SLC30A9: variants seen among roughly 807,000 people sequenced by gnomAD.
The protein encoded by SLC30A9 is solute carrier family 30 member 9, also known as proton-coupled zinc antiporter SLC30A9, mitochondrial.
SLC30A9 carries 58 observed loss-of-function variants against 87.5 expected under a neutral mutation model. The observed-to-expected ratio is 0.66, with a 90% CI of 0.54 to 0.82. The LOEUF is 0.82. Ranked by LOEUF, SLC30A9 falls within the 40% of genes least tolerant of loss-of-function variation. The pLI is 0.00. For missense variants in SLC30A9, 557 were observed against 679.1 expected (o/e 0.82, Z 2.00); for synonymous variants, 234 against 233.0 (o/e 1.00, Z -0.04).
Position 42,072,716 on chromosome 4 carries a change from CTGT to C in SLC30A9, c.1418+2032_1418+2034del, listed in dbSNP as rs553016960. The stretch of plus-strand genomic sequence containing the variant: ...GCACTTGAGAAGAATGTATATTCTG[CTGT>C]TGTTGTAGAGTGTTCTGTAGATGTT... On this transcript the variant is annotated intron_variant, in intron 15 of 17. Transcript: ENST00000264451. 1.0e-3 allele frequency among the ~76,000 whole-genome samples: 157 copies of C among 151,566 alleles called. 1 individual carries two copies. Among genetic ancestry groups the C allele is most frequent in the African/African-American group, 3.7e-3 (152 of 41,278 alleles).
intron 7 of SLC30A9, among the ~76,000 whole-genome samples, chr4:42,037,005 T>C (rs112665157): frequency 1.7e-3 from 265 of 152,324 alleles, no homozygotes; most frequent in African/African-American, 6.2e-3. Context: ...ACTTATGAAA[T>C]CTTTGTTACT....
chr4:42,043,508 G>A (rs2153137857), intron 8 of SLC30A9, among the ~76,000 whole-genome samples: 1 of 152,096 alleles, frequency 6.6e-6, no homozygotes, highest in African/African-American at 2.4e-5. Flanking sequence ...AAGCATAAAG[G>A]TAAGATTAGA....
chr4:42,012,195 G>C (rs1166189465), intron 2 of SLC30A9, among the ~76,000 whole-genome samples: 2 of 152,048 alleles, frequency 1.3e-5, no homozygotes, highest in African/African-American at 4.8e-5. Context: ...ACCAAAACAC[G>C]AAACAACCCA....
At chr4:42,042,025 G>A (rs535224937) in intron 8 of SLC30A9, among the ~76,000 whole-genome samples, 1 of 152,312 alleles carries the variant, frequency 6.6e-6, no homozygotes, top group South Asian at 2.1e-4. Context: ...GTGCATTCCA[G>A]CCCAGATACT....
At chr4:42,055,025 T>A (rs910320703) in intron 9 of SLC30A9, among the ~76,000 whole-genome samples, 1 of 152,082 alleles carries the variant, frequency 6.6e-6, no homozygotes, top group South Asian at 2.1e-4. Flanking sequence ...TTTGAGTTTT[T>A]AAAAATGTTC....
chr4:42,066,628 A>G lies in SLC30A9; in HGVS notation c.1144+7A>G. ...ATGTCATTTTACAAGTATGGTATGT[A>G]TTTTAGAAACCAAGTGTTTGTTTCA... On this transcript the variant is annotated splice_region_variant and intron_variant, in intron 13 of 17. Transcript: ENST00000264451. 1 of 1,595,708 alleles carries G rather than the reference A, an allele frequency of 6.3e-7. No homozygotes were observed.
intron 1 of SLC30A9, among the ~76,000 whole-genome samples, chr4:41,998,591 A>G (rs967104487): frequency 6.6e-5 from 10 of 151,476 alleles, no homozygotes; most frequent in Admixed American, 2.6e-4. Flanking sequence ...AGCCTCCCGC[A>G]TAGCTAGGAT....
At chr4:42,065,669 G>A (rs892695206) in intron 12 of SLC30A9, among the ~76,000 whole-genome samples, 1 of 152,166 alleles carries the variant, frequency 6.6e-6, no homozygotes, top group African/African-American at 2.4e-5. Context: ...AGTAACTGAT[G>A]TGGCATGAAA....
At chr4:42,046,334 C>A (rs1447231615) in intron 8 of SLC30A9, among the ~76,000 whole-genome samples, 1 of 152,180 alleles carries the variant, frequency 6.6e-6, no homozygotes, top group East Asian at 1.9e-4. Flanking sequence ...ATTTAGAAAA[C>A]CCCATAATCT....
chr4:42,038,836 C>A, intron 7 of SLC30A9, 150 bp from the exon 8 acceptor site: 1 of 571,428 alleles, frequency 1.7e-6, no homozygotes, highest in Non-Finnish European at 3.2e-6. Flanking sequence ...AATCTTTCCA[C>A]TTTCTAAACA....
rs1481293616 is a variant in SLC30A9 at position 42,026,804 on chromosome 4, T to C, written c.610+3420T>C. On this transcript the variant is annotated intron_variant, in intron 6 of 17. Coordinates refer to ENST00000264451, the MANE Select transcript of SLC30A9 (RefSeq NM_006345.4). Reference sequence around the variant, plus strand: ...ACGTGAACTAACTGCCAGTTCATTTTAATCTTTCTTACCACCCTATTTTTA... The same window carrying C: ...ACGTGAACTAACTGCCAGTTCATTTCAATCTTTCTTACCACCCTATTTTTA... Among the ~76,000 whole-genome samples, 3 of 152,228 alleles carry C rather than the reference T, an allele frequency of 2.0e-5. No individual in the cohort carries two copies. The East Asian group carries it at 5.8e-4, about 29-fold the overall frequency.
intron 2 of SLC30A9, among the ~76,000 whole-genome samples, 193 bp from the exon 3 acceptor site, chr4:42,017,918 C>T (rs1715788404): frequency 1.3e-5 from 2 of 152,050 alleles, no homozygotes; most frequent in Non-Finnish European, 1.5e-5. Context: ...TATAGTTTCT[C>T]TTCTTTAATC....
chr4:42,036,644 T>G (rs371609552), intron 7 of SLC30A9, among the ~76,000 whole-genome samples: 1 of 152,244 alleles, frequency 6.6e-6, no homozygotes. Flanking sequence ...GCACCCATTT[T>G]GCAAAGTTTA....
chr4:42,047,808 A>G (rs1294398019), intron 8 of SLC30A9, among the ~76,000 whole-genome samples: 2 of 152,066 alleles, frequency 1.3e-5, no homozygotes, highest in African/African-American at 4.8e-5. Flanking sequence ...TATTCATATT[A>G]GCAGACTTGG....
chr4:42,022,596 G>A (rs1490740740), intron 4 of SLC30A9, among the ~76,000 whole-genome samples: 1 of 152,132 alleles, frequency 6.6e-6, no homozygotes, highest in Admixed American at 6.5e-5. Context: ...GGTGAGGGAA[G>A]TGAATCTCTA....
intron 15 of SLC30A9, 76 bp downstream of exon 15, chr4:42,070,767 C>T: frequency 8.0e-7 from 1 of 1,249,146 alleles, no homozygotes; most frequent in Non-Finnish European, 1.1e-6. Flanking sequence ...TTTGTAAATA[C>T]TTCCAGAGGA....
intron 2 of SLC30A9, among the ~76,000 whole-genome samples, chr4:42,016,810 TATCTATC>T (rs1715742061): frequency 6.6e-6 from 1 of 151,990 alleles, no homozygotes; most frequent in Non-Finnish European, 1.5e-5. Flanking sequence ...TCTATCTATC[TATCTATC>T]TATCTATCTA....
At position 42,009,653 on chromosome 4, in the gene SLC30A9, C is replaced by G. The variant is rs116793138; in HGVS notation, c.274+7873C>G. On this transcript the variant is annotated intron_variant, in intron 2 of 17. Coordinates refer to ENST00000264451, the MANE Select transcript of SLC30A9 (RefSeq NM_006345.4). ...GTGCTATGTAAAATAAGTATTCATACATGTGTTTAAGCCATTTACTAGCAT... is the reference window on the plus strand; with the variant it reads ...GTGCTATGTAAAATAAGTATTCATAGATGTGTTTAAGCCATTTACTAGCAT... 6.3e-3 allele frequency among the ~76,000 whole-genome samples: 952 copies of G among 152,300 alleles called. 4 individuals are homozygous for G. The highest frequency in any genetic ancestry group is 0.01 in the Non-Finnish European group (703 of 68,016).
chr4:42,075,536 A>G (rs904153810), intron 15 of SLC30A9, 121 bp from the exon 16 acceptor site: 11 of 849,346 alleles, frequency 1.3e-5, no homozygotes, highest in East Asian at 2.8e-5. Flanking sequence ...CTCTGAAGCC[A>G]TCTTAGTCCA....
Sources: allele counts gnomAD v4.1 joint callset (sites outside exome capture counted in the v4.1 genomes callset), GRCh38; gene constraint gnomAD v4.1.1; transcripts MANE v1.5; gene names NCBI Gene and HGNC (gene_info 2026-07-23, HGNC 2026-07-21).